FYB1: variants seen among roughly 807,000 people sequenced by gnomAD.
The protein encoded by FYB1 is FYN-binding protein 1.
A neutral mutation model predicts 94.1 loss-of-function variants in FYB1; 41 were observed. That is an observed-to-expected ratio of 0.44 (90% CI 0.34 to 0.57). The LOEUF (loss-of-function observed/expected upper bound fraction) is 0.57. Among genes scored for constraint, FYB1 ranks in the 20% least tolerant of loss-of-function variants. FYB1 has a pLI of 0.02. For synonymous variants in FYB1, 367 were observed against 353.2 expected, an observed-to-expected ratio of 1.04 and a Z score of -0.44; for missense variants, 1,050 against 976.8, an observed-to-expected ratio of 1.07 and a Z score of -1.00.
chr5:39,153,649 A>C (rs1440229134), intron 2 of FYB1, 45 bp from the exon 3 acceptor site: 1 of 1,537,724 alleles, frequency 6.5e-7, no homozygotes, highest in South Asian at 1.2e-5. Context: ...ACAAATCTTC[A>C]AAAAGAAGAT....
At chr5:39,217,181 GC>G (rs1167540510) in intron 1 of FYB1, among the ~76,000 whole-genome samples, 1 of 152,160 alleles carries the variant, frequency 6.6e-6, no homozygotes, top group Non-Finnish European at 1.5e-5. Context: ...GACATGCTTG[GC>G]CCTGGGCTTT....
intron 8 of FYB1, 69 bp from the exon 9 acceptor site, chr5:39,134,418 A>G: frequency 7.9e-7 from 1 of 1,271,866 alleles, no homozygotes; most frequent in Non-Finnish European, 1.1e-6. Flanking sequence ...TGAATAAAAT[A>G]TCAATTGCAC....
At chr5:39,169,337 A>G (rs1745032900) in intron 2 of FYB1, 1 of 767,528 alleles carries the variant, frequency 1.3e-6, no homozygotes, top group African/African-American at 1.7e-5. Context: ...TTTGGAGAAA[A>G]ATTCCCAGAC....
intron 2 of FYB1, among the ~76,000 whole-genome samples, chr5:39,197,024 G>A (rs1043383660): frequency 6.6e-6 from 1 of 152,144 alleles, no homozygotes; most frequent in Non-Finnish European, 1.5e-5. Flanking sequence ...GGTATATCTG[G>A]GGAAGAGGTT....
chr5:39,254,431 A>G (rs964079302), intron 1 of FYB1, among the ~76,000 whole-genome samples: 3 of 152,216 alleles, frequency 2.0e-5, no homozygotes, highest in Non-Finnish European at 4.4e-5. Flanking sequence ...TTGGACAATG[A>G]CAAAATCTAA....
chr5:39,203,618 AGCACTAAAGATT>A (rs1358400247), intron 1 of FYB1, among the ~76,000 whole-genome samples: 2 of 152,168 alleles, frequency 1.3e-5, no homozygotes, highest in Non-Finnish European at 2.9e-5. Context: ...GTAATTATTT[AGCACTAAAGATT>A]CACCTGTATC....
chr5:39,272,863 C>G (rs1752703265), intron 1 of FYB1, among the ~76,000 whole-genome samples: 1 of 152,142 alleles, frequency 6.6e-6, no homozygotes, highest in African/African-American at 2.4e-5. Flanking sequence ...AATTCCATTT[C>G]AAGTTGTGCT....
At chr5:39,127,241 T>C (rs920027147) in intron 11 of FYB1, among the ~76,000 whole-genome samples, 37 of 151,762 alleles carry the variant, frequency 2.4e-4, no homozygotes, top group African/African-American at 8.4e-4. Context: ...ATACTGGTTC[T>C]GCCATAGGTA....
Position 39,201,835 on chromosome 5 carries a change from A to G in FYB1, c.1126T>C (p.Ser376Pro). 2 of 1,611,562 alleles carry G rather than the reference A, an allele frequency of 1.2e-6. No individual in the cohort carries two copies. Among genetic ancestry groups the G allele is most frequent in the Non-Finnish European group, 1.7e-6 (2 of 1,178,258 alleles). ...CGAGAAAAGAACTCACTGTTTCCAGAAGAGGTTTTGTGGAATTTCGTCAGG... is the reference window on the plus strand; with the variant it reads ...CGAGAAAAGAACTCACTGTTTCCAGGAGAGGTTTTGTGGAATTTCGTCAGG... ...VDLTKFHKTSSGNSTSKGQTS... is the reference protein window; with the variant it reads ...VDLTKFHKTSPGNSTSKGQTS... The change falls in exon 2 of 19, where the codon TCT (serine) becomes CCT (proline). Residue 376 changes from serine (S) to proline (P), a missense_variant. By Grantham distance (74) the Ser-to-Pro change is moderately conservative. Coordinates refer to ENST00000512982, the MANE Select transcript of FYB1 (RefSeq NM_001465.6).
At chr5:39,181,850 A>T (rs1746272594) in intron 2 of FYB1, among the ~76,000 whole-genome samples, 1 of 151,824 alleles carries the variant, frequency 6.6e-6, no homozygotes, top group Admixed American at 6.6e-5. Context: ...TTACTACATG[A>T]TCTCCTACTT....
intron 3 of FYB1, among the ~76,000 whole-genome samples, chr5:39,142,797 T>C (rs561487741): frequency 1.3e-5 from 2 of 152,326 alleles, no homozygotes; most frequent in South Asian, 4.1e-4. Flanking sequence ...TTAAAAATAC[T>C]AGCTACCAAA....
intron 14 of FYB1, among the ~76,000 whole-genome samples, chr5:39,120,087 T>C (rs1739949244): frequency 6.6e-6 from 1 of 152,198 alleles, no homozygotes. Flanking sequence ...CGTTGTTTTG[T>C]TCACATCTAC....
intron 1 of FYB1, among the ~76,000 whole-genome samples, chr5:39,203,624 A>G (rs1748581261): frequency 1.3e-5 from 2 of 152,172 alleles, no homozygotes; most frequent in Non-Finnish European, 2.9e-5. Flanking sequence ...ATTTAGCACT[A>G]AAGATTCACC....
At chr5:39,130,313 A>G (rs1741077832) in intron 10 of FYB1, among the ~76,000 whole-genome samples, 1 of 152,108 alleles carries the variant, frequency 6.6e-6, no homozygotes, top group Non-Finnish European at 1.5e-5. Context: ...ACAAGCATAC[A>G]GTTAGATAGA....
intron 1 of FYB1, among the ~76,000 whole-genome samples, chr5:39,259,747 A>G (rs1752137005): frequency 6.6e-6 from 1 of 152,220 alleles, no homozygotes; most frequent in Non-Finnish European, 1.5e-5. Context: ...ATTTAAAACA[A>G]AAACATGCAC....
chr5:39,195,280 C>A (rs1289988872), intron 2 of FYB1, among the ~76,000 whole-genome samples: 2 of 152,158 alleles, frequency 1.3e-5, no homozygotes, highest in Admixed American at 6.5e-5. Flanking sequence ...TCCTTTTTCC[C>A]TGTGGTGGCT....
chr5:39,159,143 A>G (rs1744022108), intron 2 of FYB1, among the ~76,000 whole-genome samples: 1 of 152,214 alleles, frequency 6.6e-6, no homozygotes, highest in Non-Finnish European at 1.5e-5. Flanking sequence ...TGCCACATAT[A>G]AAATCATTTC....
At chr5:39,225,132 C>T (rs2150561007) in intron 1 of FYB1, among the ~76,000 whole-genome samples, 1 of 152,246 alleles carries the variant, frequency 6.6e-6, no homozygotes, top group East Asian at 1.9e-4. Flanking sequence ...AGAGTGGTCA[C>T]TGAAGATTTT....
chr5:39,107,499 A>T (rs1387837102), intron 18 of FYB1, 34 bp from the exon 19 acceptor site: 2 of 1,411,730 alleles, frequency 1.4e-6, no homozygotes, highest in Non-Finnish European at 1.9e-6. Context: ...AAATATAGTT[A>T]TTAAAAACAT....
Sources: allele counts gnomAD v4.1 joint callset (sites outside exome capture counted in the v4.1 genomes callset), GRCh38; gene constraint gnomAD v4.1.1; transcripts MANE v1.5; gene names NCBI Gene and HGNC (gene_info 2026-07-23, HGNC 2026-07-21).